The following SAMM50 variants were observed in gnomAD, a reference collection of about 807,000 sequenced individuals.
SAMM50 encodes sorting and assembly machinery component 50 homolog.
A neutral mutation model predicts 66.9 loss-of-function variants in SAMM50; 47 were observed. That is an observed-to-expected ratio of 0.70 (90% confidence interval 0.56 to 0.90). The LOEUF (loss-of-function observed/expected upper bound fraction) is 0.90. Among genes scored for constraint, SAMM50 ranks in the 40% least tolerant of loss-of-function variants. SAMM50 has a pLI of 0.00. For synonymous variants in SAMM50, 191 were observed against 214.1 expected, an observed-to-expected ratio of 0.89 and a Z score of 0.94; for missense variants, 535 against 595.3, an observed-to-expected ratio of 0.90 and a Z score of 1.05.
At chr22:43,964,605 G>C (rs764808332) in intron 3 of SAMM50, 52 bp downstream of exon 3, 2 of 988,812 alleles carry the variant, frequency 2.0e-6, no homozygotes, top group Non-Finnish European at 3.2e-6. Context: ...TGAAGAACTC[G>C]TAAATGTCCC....
At position 43,969,545 on chromosome 22, in the gene SAMM50, C is replaced by T. The variant is rs138666012; in HGVS notation, c.322+727C>T. Reference sequence around the variant, plus strand: ...GACCAGTAAGTGATGGCAGCACAGTCGCTATGTTGTGCTGTAAGAGGCTGA... The same window carrying T: ...GACCAGTAAGTGATGGCAGCACAGTTGCTATGTTGTGCTGTAAGAGGCTGA... On this transcript the variant is annotated intron_variant, in intron 4 of 14. Transcript: ENST00000350028. 2.0e-3 allele frequency among the ~76,000 whole-genome samples: 310 copies of T among 152,168 alleles called. 1 individual carries two copies. The highest frequency in any genetic ancestry group is 3.4e-3 in the Non-Finnish European group (232 of 68,014).
intron 7 of SAMM50, chr22:43,975,843 C>A: frequency 1.8e-6 from 1 of 549,346 alleles, no homozygotes. Flanking sequence ...GCCTTTGATT[C>A]CCTTCACAGC....
chr22:43,986,079 G>C (rs1357903640), intron 12 of SAMM50, among the ~76,000 whole-genome samples: 8 of 114,272 alleles, frequency 7.0e-5, no homozygotes, highest in Non-Finnish European at 1.2e-4. Context: ...GTCTTGCTCT[G>C]TTGCCCAGAC....
At chr22:43,986,145 T>A (rs1486571335) in intron 12 of SAMM50, among the ~76,000 whole-genome samples, 24 of 149,390 alleles carry the variant, frequency 1.6e-4, no homozygotes, top group African/African-American at 5.7e-4. Context: ...CAGGTTCAAG[T>A]GATTCTCCTG....
intron 1 of SAMM50, among the ~76,000 whole-genome samples, chr22:43,962,881 A>ATTTTTT (rs58022542): frequency 0.022 from 1,420 of 65,496 alleles, 239 homozygotes; most frequent in East Asian, 0.078. Flanking sequence ...CTTTTGGTTA[A>ATTTTTT]TTTTTTTTTT....
intron 4 of SAMM50, among the ~76,000 whole-genome samples, chr22:43,971,851 T>C (rs1258485186): frequency 1.3e-4 from 20 of 152,056 alleles, no homozygotes; most frequent in Non-Finnish European, 1.5e-5. Flanking sequence ...GTTGAGACTA[T>C]AGGTGCTCGC....
intron 10 of SAMM50, among the ~76,000 whole-genome samples, chr22:43,980,508 C>T (rs990510882): frequency 2.0e-5 from 3 of 151,596 alleles, no homozygotes; most frequent in African/African-American, 7.3e-5. Context: ...CGGGACACCT[C>T]GGGCGGGAGC....
intron 10 of SAMM50, among the ~76,000 whole-genome samples, 177 bp from the exon 11 acceptor site, chr22:43,981,214 C>A (rs1274235173): frequency 6.6e-6 from 1 of 152,236 alleles, no homozygotes; most frequent in Non-Finnish European, 1.5e-5. Flanking sequence ...ATCCACGTGG[C>A]CCTTCGAAGG....
intron 6 of SAMM50, 25 bp downstream of exon 6, chr22:43,973,026 G>A: frequency 6.3e-7 from 1 of 1,583,396 alleles, no homozygotes; most frequent in East Asian, 2.2e-5. Context: ...AGATCATTGA[G>A]TACACTGGCC....
chr22:43,964,831 T>A (rs1306378838), intron 3 of SAMM50, among the ~76,000 whole-genome samples: 2 of 152,148 alleles, frequency 1.3e-5, no homozygotes, highest in African/African-American at 4.8e-5. Context: ...CCCAGCGCCG[T>A]AATGCGAGCC....
chr22:43,982,725 T>G (rs969658741), intron 11 of SAMM50, among the ~76,000 whole-genome samples: 2 of 152,148 alleles, frequency 1.3e-5, no homozygotes, highest in African/African-American at 4.8e-5. Flanking sequence ...AACCTCTACC[T>G]CCCGGGTTCA....
At chr22:43,987,734 G>A (rs1459918742) in intron 12 of SAMM50, 4 of 152,156 alleles carry the variant, frequency 2.6e-5, no homozygotes, top group African/African-American at 7.2e-5. Flanking sequence ...CCATGATAAA[G>A]GACTTAGAAA....
At chr22:43,982,824 C>A (rs539890654) in intron 11 of SAMM50, among the ~76,000 whole-genome samples, 24 of 152,198 alleles carry the variant, frequency 1.6e-4, no homozygotes, top group African/African-American at 5.3e-4. Context: ...TTAGTAGAGG[C>A]GAGGTTTTAC....
chr22:43,965,884 G>C (rs2050170698), intron 3 of SAMM50, among the ~76,000 whole-genome samples: 1 of 152,098 alleles, frequency 6.6e-6, no homozygotes, highest in Admixed American at 6.6e-5. Context: ...TCCTGCTCAG[G>C]CTGGAGTCCA....
intron 14 of SAMM50, 110 bp from the exon 15 acceptor site, chr22:43,996,228 A>T (rs1168262354): frequency 8.6e-7 from 1 of 1,165,340 alleles, no homozygotes; most frequent in Non-Finnish European, 1.3e-6. Flanking sequence ...AGGCAGCAGG[A>T]GGAGGAGGAA....
chr22:43,990,167 C>T (rs1478900244), intron 13 of SAMM50, 98 bp from the exon 14 acceptor site: 36 of 1,437,878 alleles, frequency 2.5e-5, no homozygotes, highest in Middle Eastern at 2.1e-4. Flanking sequence ...AAAACAACTG[C>T]AGGGCCCAGC....
At chr22:43,961,659 C>T (rs1045892232) in intron 1 of SAMM50, among the ~76,000 whole-genome samples, 12 of 152,130 alleles carry the variant, frequency 7.9e-5, no homozygotes, top group African/African-American at 2.9e-4. Context: ...ACCATGTTGG[C>T]CAGGCTGGTC....
At chr22:43,973,346 C>T in intron 7 of SAMM50, 23 bp downstream of exon 7, 1 of 1,431,408 alleles carries the variant, frequency 7.0e-7, no homozygotes, top group South Asian at 1.1e-5. Flanking sequence ...TCAGTCCTTC[C>T]CTCTGGGCTT....
intron 14 of SAMM50, among the ~76,000 whole-genome samples, chr22:43,994,022 T>TG (rs1322356081): frequency 6.6e-6 from 1 of 152,184 alleles, no homozygotes; most frequent in African/African-American, 2.4e-5. Flanking sequence ...CAGGCTCGCT[T>TG]GGGAGAGCAG....
Sources: gnomAD v4.1 joint callset for allele counts (sites outside exome capture counted in the v4.1 genomes callset) on GRCh38, gnomAD v4.1.1 for gene constraint, MANE v1.5 for transcripts, NCBI Gene and HGNC (gene_info 2026-07-23, HGNC 2026-07-21) for gene names.